The following PGM5 variants were observed in gnomAD, a reference collection of about 807,000 sequenced individuals.
PGM5 encodes phosphoglucomutase-like protein 5.
In PGM5, 23 loss-of-function variants were observed where a neutral mutation model predicts 59.2. That is an observed-to-expected ratio of 0.39 (90% CI 0.28 to 0.55). The LOEUF is 0.55. Ranked by LOEUF, PGM5 falls within the 20% of genes least tolerant of loss-of-function variation. The probability of loss-of-function intolerance (pLI) is 0.66; values close to 1 mark genes in which losing one functional copy is unlikely to be tolerated. For missense variants in PGM5, 574 were observed against 748.3 expected (o/e 0.77, Z 2.72); for synonymous variants, 214 against 286.0 (o/e 0.75, Z 2.54).
At chr9:68,476,059 T>C (rs1473174831) in intron 7 of PGM5, among the ~76,000 whole-genome samples, 1 of 152,174 alleles carries the variant, frequency 6.6e-6, no homozygotes, top group East Asian at 1.9e-4. Context: ...TTTTCTTTAT[T>C]CTCTTATCTA....
Position 68,391,820 on chromosome 9 carries a change from T to C in PGM5, c.888+96T>C, listed in dbSNP as rs191213346. On this transcript the variant is annotated intron_variant, in intron 5 of 10. Coordinates refer to ENST00000396396, the MANE Select transcript of PGM5 (RefSeq NM_021965.4). The stretch of plus-strand genomic sequence containing the variant: ...TTAATGAACACATCTGGAGCTAACA[T>C]GTATGGGACATGTGTGCCCTAACTG... The C allele has an allele frequency of 5.9e-4, 760 of 1,285,182 alleles. 2 individuals carry two copies. The highest frequency in any genetic ancestry group is 7.7e-4 in the Non-Finnish European group (706 of 917,976). The allele number at this position is 1,285,182 out of a possible 1,614,324, so 79.6% of individuals were successfully genotyped here.
chr9:68,434,666 T>C (rs1823416502), intron 6 of PGM5, among the ~76,000 whole-genome samples: 1 of 151,880 alleles, frequency 6.6e-6, no homozygotes, highest in Non-Finnish European at 1.5e-5. Context: ...TTTGGCTGGG[T>C]GTGCTGGCAG....
chr9:68,504,138 C>A (rs1163299161), intron 10 of PGM5, among the ~76,000 whole-genome samples: 1 of 152,234 alleles, frequency 6.6e-6, no homozygotes. Context: ...CCATTCCACA[C>A]ATCGATCTCT....
intron 10 of PGM5, among the ~76,000 whole-genome samples, chr9:68,527,605 G>A (rs2132123097): frequency 6.6e-6 from 1 of 152,172 alleles, no homozygotes; most frequent in East Asian, 1.9e-4. Flanking sequence ...ATGTTTCTGG[G>A]CACCAACAGG....
chr9:68,446,725 T>C (rs1554684019), intron 6 of PGM5, among the ~76,000 whole-genome samples: 1 of 152,248 alleles, frequency 6.6e-6, no homozygotes, highest in Non-Finnish European at 1.5e-5. Flanking sequence ...CTTCATGAAA[T>C]GTTGACATTC....
chr9:68,525,204 C>T (rs920974400), intron 10 of PGM5, among the ~76,000 whole-genome samples: 4 of 152,154 alleles, frequency 2.6e-5, no homozygotes, highest in African/African-American at 9.7e-5. Flanking sequence ...CTCCCACATG[C>T]ACACAATGTC....
chr9:68,463,427 G>C (rs1451604181), intron 6 of PGM5, among the ~76,000 whole-genome samples: 1 of 152,094 alleles, frequency 6.6e-6, no homozygotes, highest in Non-Finnish European at 1.5e-5. Flanking sequence ...GCCAATGTCT[G>C]TGGTACCAGC....
At chr9:68,401,642 T>G (rs4744966) in intron 6 of PGM5, among the ~76,000 whole-genome samples, 7,440 of 151,638 alleles carry the variant, frequency 0.049, 501 homozygotes, top group East Asian at 0.39. Flanking sequence ...CTCGAACATG[T>G]GGCGTGCTGT....
Position 68,357,268 on chromosome 9 carries a change from C to A in PGM5, c.141C>A (p.Ser47Arg), listed in dbSNP as rs1380091574. ...ACTACCTGCCCAACTTTATCCAGAG[C>A]GTGCTGTCGTCCATCGACCTGCGCG... ...QRNYLPNFIQSVLSSIDLRDR... is the reference protein window; with the variant it reads ...QRNYLPNFIQRVLSSIDLRDR... The change falls in exon 1 of 11, where the codon AGC becomes AGA. Residue 47 changes from serine (S) to arginine (R), a missense_variant. By Grantham distance (110) the Ser-to-Arg change is moderately radical. Transcript: ENST00000396396. The A allele has an allele frequency of 6.5e-7, 1 of 1,543,864 alleles. No individual in the cohort carries two copies. Among genetic ancestry groups the A allele is most frequent in the East Asian group, 2.4e-5 (1 of 40,866 alleles).
chr9:68,526,582 G>A (rs1824978572), intron 10 of PGM5, among the ~76,000 whole-genome samples: 2 of 152,122 alleles, frequency 1.3e-5, no homozygotes, highest in Non-Finnish European at 2.9e-5. Flanking sequence ...TTTAATATGA[G>A]CATACTGTTT....
chr9:68,395,702 A>G (rs1822481957), intron 6 of PGM5: 1 of 152,116 alleles, frequency 6.6e-6, no homozygotes, highest in African/African-American at 2.4e-5. Context: ...TGACGCTATT[A>G]TGAATGTTTT....
rs781901814 is a variant in PGM5 at position 68,483,986 on chromosome 9, G to A, written c.1417G>A (p.Val473Met). 47 of 1,613,946 alleles carry A rather than the reference G, an allele frequency of 2.9e-5. No homozygotes were observed. Among genetic ancestry groups the A allele is most frequent in the Middle Eastern group, 1.6e-4 (1 of 6,062 alleles). Reference protein sequence around the residue: ...QFAVGSHVYSVAKTDSFEYVD... With the variant: ...QFAVGSHVYSMAKTDSFEYVD... ...TGCTGTGGGGAGCCATGTCTACAGC[G>A]TGGCGAAGACGGATAGTTTTGAATA... The change falls in exon 9 of 11, where the codon GTG becomes ATG. Residue 473 changes from valine to methionine, a missense_variant. By Grantham distance (21) the Val-to-Met change is conservative (BLOSUM62 1). Coordinates refer to ENST00000396396, the MANE Select transcript of PGM5 (RefSeq NM_021965.4).
chr9:68,447,881 C>G (rs1321532917), intron 6 of PGM5, among the ~76,000 whole-genome samples: 1 of 152,160 alleles, frequency 6.6e-6, no homozygotes, highest in African/African-American at 2.4e-5. Context: ...TATTTAATCT[C>G]TTGGTAATTC....
At chr9:68,406,680 A>ATATATATG (rs1822820601) in intron 6 of PGM5, among the ~76,000 whole-genome samples, 1 of 34,792 alleles carries the variant, frequency 2.9e-5, no homozygotes, top group African/African-American at 1.4e-4. Flanking sequence ...ATATATATGT[A>ATATATATG]TATATATATA....
At chr9:68,482,739 CA>C (rs1824218259) in intron 8 of PGM5, among the ~76,000 whole-genome samples, 1 of 152,176 alleles carries the variant, frequency 6.6e-6, no homozygotes, top group African/African-American at 2.4e-5. Context: ...AGGTCTCAGC[CA>C]AGACCATCTG....
intron 7 of PGM5, 148 bp downstream of exon 7, chr9:68,465,356 G>C (rs1271552155): frequency 1.5e-5 from 8 of 550,158 alleles, no homozygotes; most frequent in Non-Finnish European, 2.3e-5. Context: ...TATGTGCTGT[G>C]ATATGCTTAC....
chr9:68,487,799 C>A (rs1044293958), intron 9 of PGM5, among the ~76,000 whole-genome samples: 10 of 152,186 alleles, frequency 6.6e-5, no homozygotes, highest in Non-Finnish European at 1.2e-4. Flanking sequence ...GCACCCAAGG[C>A]AACCTTGGTG....
chr9:68,462,838 G>A (rs2132077708), intron 6 of PGM5, among the ~76,000 whole-genome samples: 1 of 152,144 alleles, frequency 6.6e-6, no homozygotes, highest in Non-Finnish European at 1.5e-5. Context: ...TCTCTTCCTT[G>A]AGTTTCTGAT....
intron 7 of PGM5, among the ~76,000 whole-genome samples, chr9:68,465,762 T>C (rs782092991): frequency 1.3e-5 from 2 of 152,222 alleles, no homozygotes; most frequent in Non-Finnish European, 2.9e-5. Flanking sequence ...GCTTGCATCA[T>C]GTCCAAGAAG....
Sources: gnomAD v4.1 joint callset for allele counts (sites outside exome capture counted in the v4.1 genomes callset) on GRCh38, gnomAD v4.1.1 for gene constraint, MANE v1.5 for transcripts, NCBI Gene and HGNC (gene_info 2026-07-23, HGNC 2026-07-21) for gene names.